Variants in KIAA1549L observed in about 807,000 individuals in gnomAD.
The protein encoded by KIAA1549L is KIAA1549 like, also known as UPF0606 protein KIAA1549L.
KIAA1549L carries 88 observed loss-of-function variants against 160.7 expected under a neutral mutation model. The observed-to-expected ratio is 0.55, with a 90% CI of 0.46 to 0.65. The LOEUF is 0.65. Among genes scored for constraint, KIAA1549L ranks in the 30% least tolerant of loss-of-function variants. The pLI, the probability that KIAA1549L is intolerant of heterozygous loss-of-function variation, is 0.00. For synonymous variants in KIAA1549L, 950 were observed against 976.7 expected, an observed-to-expected ratio of 0.97 and a Z score of 0.51; for missense variants, 2,258 against 2,437.5, an observed-to-expected ratio of 0.93 and a Z score of 1.55.
At chr11:33,454,848 G>A (rs922578164) in intron 1 of KIAA1549L, among the ~76,000 whole-genome samples, 2 of 152,168 alleles carry the variant, frequency 1.3e-5, no homozygotes, top group African/African-American at 2.4e-5. Flanking sequence ...TCAGCACTTT[G>A]GGAGGCCGAG....
intron 16 of KIAA1549L, among the ~76,000 whole-genome samples, chr11:33,623,449 G>A (rs1851013223): frequency 6.6e-6 from 1 of 152,094 alleles, no homozygotes; most frequent in African/African-American, 2.4e-5. Context: ...GCTAACATGA[G>A]CTATAATAAC....
At chr11:33,616,379 A>G (rs1466801333) in intron 15 of KIAA1549L, among the ~76,000 whole-genome samples, 1 of 152,088 alleles carries the variant, frequency 6.6e-6, no homozygotes, top group Admixed American at 6.5e-5. Flanking sequence ...GTCCCACCAG[A>G]ACAACTCAGG....
At chr11:33,619,783 C>G (rs1850911035) in intron 16 of KIAA1549L, among the ~76,000 whole-genome samples, 1 of 152,106 alleles carries the variant, frequency 6.6e-6, no homozygotes, top group South Asian at 2.1e-4. Context: ...TATTTTTCCA[C>G]TAGGTTAAAT....
intron 1 of KIAA1549L, among the ~76,000 whole-genome samples, chr11:33,516,594 A>G (rs1024827897): frequency 5.9e-5 from 9 of 152,362 alleles, no homozygotes; most frequent in African/African-American, 1.7e-4. Context: ...AGGGATGGAT[A>G]TGTGAAGCCA....
intron 10 of KIAA1549L, among the ~76,000 whole-genome samples, chr11:33,580,678 T>C (rs1057474417): frequency 1.8e-4 from 27 of 151,876 alleles, no homozygotes; most frequent in African/African-American, 6.3e-4. Context: ...TTTTAACAGA[T>C]ATTTATTGAG....
At chr11:33,435,792 ATATATATATATATATATATGTGTGTG>A (rs1373275628) in intron 1 of KIAA1549L, among the ~76,000 whole-genome samples, 1 of 13,060 alleles carries the variant, frequency 7.7e-5, no homozygotes, top group Non-Finnish European at 1.3e-4. Flanking sequence ...ATATATATAT[ATATATATATATATATATATGTGTGTG>A]TATATATATA....
rs539939795 is a variant in KIAA1549L at position 33,437,983 on chromosome 11, C to T, written c.238+61094C>T. Among the ~76,000 whole-genome samples the T allele has an allele frequency of 5.4e-4, 83 of 152,326 alleles. 1 individual carries two copies. The highest frequency in any genetic ancestry group is 1.6e-3 in the African/African-American group (68 of 41,568). ...GCCTGGTTGTCCCACTACCACCTGC[C>T]TACGCCTCTCCAGCCCTGTCCAGAC... On this transcript the variant is annotated intron_variant, in intron 1 of 20. Coordinates refer to ENST00000658780, the MANE Select transcript of KIAA1549L (RefSeq NM_012194.3).
intron 1 of KIAA1549L, among the ~76,000 whole-genome samples, chr11:33,386,166 A>G (rs1268801915): frequency 6.6e-6 from 1 of 152,182 alleles, no homozygotes; most frequent in Non-Finnish European, 1.5e-5. Context: ...CTGGCATTGG[A>G]GGGAAATATC....
intron 17 of KIAA1549L, among the ~76,000 whole-genome samples, chr11:33,654,493 A>G (rs1456895972): frequency 1.3e-5 from 2 of 152,162 alleles, no homozygotes; most frequent in Non-Finnish European, 2.9e-5. Context: ...ACTTTTCTCC[A>G]ACAAGGATTT....
chr11:33,520,119 CT>C, intron 1 of KIAA1549L, among the ~76,000 whole-genome samples: 1 of 152,014 alleles, frequency 6.6e-6, no homozygotes, highest in Non-Finnish European at 1.5e-5. Flanking sequence ...TTCTCCCTTC[CT>C]TTTTTTTCCT....
intron 1 of KIAA1549L, among the ~76,000 whole-genome samples, chr11:33,378,375 C>T (rs749268993): frequency 2.6e-5 from 4 of 152,084 alleles, no homozygotes; most frequent in African/African-American, 7.2e-5. Flanking sequence ...TCCCTTCTGA[C>T]CTTTGTACCT....
At chr11:33,559,666 C>A in intron 6 of KIAA1549L, 83 bp from the exon 7 acceptor site, 2 of 1,173,818 alleles carry the variant, frequency 1.7e-6, no homozygotes, top group South Asian at 1.3e-5. Context: ...TCCTGCTTAG[C>A]CTCCCCCTCC....
chr11:33,598,934 A>C lies in KIAA1549L; in HGVS notation c.4866A>C (p.Ala1622=). ...AGCAGAAAGTGACAAAGGAGGAGGC[A>C]AGGAAGAGAAATGGTGAGAAGCCTT... is the stretch of plus-strand genomic sequence containing the variant. ...MAQQKVTKEE[A]RKRNVPASDE... Residue 1622 remains alanine (A), a synonymous_variant, in exon 13 of 21, where the codon GCA becomes GCC. Transcript: ENST00000658780. 6.2e-7 allele frequency: 1 copy of C among 1,613,428 alleles called. No individual in the cohort carries two copies. Among genetic ancestry groups the C allele is most frequent in the Non-Finnish European group, 8.5e-7 (1 of 1,179,678 alleles).
intron 11 of KIAA1549L, among the ~76,000 whole-genome samples, chr11:33,586,614 A>G (rs1849886678): frequency 6.6e-6 from 1 of 152,134 alleles, no homozygotes; most frequent in African/African-American, 2.4e-5. Flanking sequence ...CTATATCCAG[A>G]TGCAGGATGG....
At chr11:33,465,046 CTTTTTTTTTTTTTTTTT>C (rs1008261470) in intron 1 of KIAA1549L, among the ~76,000 whole-genome samples, 1 of 78,964 alleles carries the variant, frequency 1.3e-5, no homozygotes, top group East Asian at 3.1e-4. Flanking sequence ...GGACCTTCTT[CTTTTTTTTTTTTTTTTT>C]TTTTTTTTTT....
At chr11:33,503,000 C>G (rs1442351501) in intron 1 of KIAA1549L, among the ~76,000 whole-genome samples, 1 of 152,096 alleles carries the variant, frequency 6.6e-6, no homozygotes, top group East Asian at 1.9e-4. Context: ...TAGAAAAATG[C>G]ACACACTGTA....
At chr11:33,638,169 A>T (rs1851486991) in intron 16 of KIAA1549L, among the ~76,000 whole-genome samples, 1 of 152,204 alleles carries the variant, frequency 6.6e-6, no homozygotes. Context: ...ATGAGCTTTG[A>T]CAAAAGTGTA....
chr11:33,468,667 G>T (rs193050807), intron 1 of KIAA1549L, among the ~76,000 whole-genome samples: 3 of 152,322 alleles, frequency 2.0e-5, no homozygotes. Context: ...AAAAGAGTGA[G>T]AAGATTAAAC....
intron 9 of KIAA1549L, among the ~76,000 whole-genome samples, chr11:33,571,535 C>T (rs1317667601): frequency 6.6e-6 from 1 of 152,040 alleles, no homozygotes; most frequent in African/African-American, 2.4e-5. Flanking sequence ...CTGGAAAGGC[C>T]TAAGGAAGCT....
Sources: gnomAD v4.1 joint callset for allele counts (sites outside exome capture counted in the v4.1 genomes callset) on GRCh38, gnomAD v4.1.1 for gene constraint, MANE v1.5 for transcripts, NCBI Gene and HGNC (gene_info 2026-07-23, HGNC 2026-07-21) for gene names.